MYRIP: variants seen among roughly 807,000 people sequenced by gnomAD.
MYRIP encodes rab effector MyRIP.
MYRIP carries 49 observed loss-of-function variants against 98.0 expected under a neutral mutation model. That is an observed-to-expected ratio of 0.50 (90% confidence interval 0.40 to 0.63). The LOEUF (loss-of-function observed/expected upper bound fraction) is 0.63, where lower values mean the gene tolerates loss of function less well. Ranked by LOEUF, MYRIP falls within the 30% of genes least tolerant of loss-of-function variation. The pLI, the probability that MYRIP is intolerant of heterozygous loss-of-function variation, is 0.00. For synonymous variants in MYRIP, 404 were observed against 409.5 expected (o/e 0.99, Z 0.16); for missense variants, 1,004 against 1,058.2 (o/e 0.95, Z 0.71).
At position 40,190,207 on chromosome 3, in the gene MYRIP, C is replaced by A. The variant is rs1439230663; in HGVS notation, c.1409C>A (p.Ala470Asp). The A allele has an allele frequency of 6.2e-7, 1 of 1,614,152 alleles. No homozygotes were observed. The highest frequency in any genetic ancestry group is 1.1e-5 in the South Asian group (1 of 91,080). ...AGSSREVGHQARLSWLQRKAP... is the reference protein window; with the variant it reads ...AGSSREVGHQDRLSWLQRKAP... ...TCTTCCCGAGAAGTTGGGCACCAGG[C>A]CAGACTGTCCTGGTTGCAGAGGAAG... The change falls in exon 10 of 17, where the codon GCC becomes GAC. Residue 470 changes from alanine to aspartate, a missense_variant. This residue lies in a region of MYRIP where 880 missense variants were observed against 907.7 expected (regional missense o/e 0.97). Coordinates refer to ENST00000302541, the MANE Select transcript of MYRIP (RefSeq NM_015460.4).
At chr3:39,997,576 C>T (rs78132300) in intron 2 of MYRIP, among the ~76,000 whole-genome samples, 25,561 of 151,562 alleles carry the variant, frequency 0.17, 2,427 homozygotes, top group African/African-American at 0.25. Context: ...CAGGACCAGA[C>T]GGATTCACAG....
chr3:40,059,911 T>C (rs1366851144), intron 3 of MYRIP, among the ~76,000 whole-genome samples: 1 of 152,134 alleles, frequency 6.6e-6, no homozygotes, highest in Non-Finnish European at 1.5e-5. Flanking sequence ...TGATGGGACT[T>C]TGTGAGGCAA....
intron 1 of MYRIP, among the ~76,000 whole-genome samples, chr3:39,834,578 G>A (rs1462171319): frequency 1.3e-5 from 2 of 152,060 alleles, no homozygotes; most frequent in Non-Finnish European, 2.9e-5. Flanking sequence ...GTTGCCATTT[G>A]TTTATTTTAC....
At chr3:39,976,715 A>T (rs1348475989) in intron 2 of MYRIP, among the ~76,000 whole-genome samples, 1 of 152,240 alleles carries the variant, frequency 6.6e-6, no homozygotes, top group Admixed American at 6.5e-5. Context: ...CTATGCAGCC[A>T]TAAAAAAGGA....
chr3:40,050,988 G>A (rs145930907), intron 3 of MYRIP, among the ~76,000 whole-genome samples: 4 of 152,252 alleles, frequency 2.6e-5, no homozygotes, highest in African/African-American at 9.6e-5. Flanking sequence ...AATGAGCAAA[G>A]AAAATGGTTT....
At chr3:40,075,516 G>A (rs1559389506) in intron 3 of MYRIP, among the ~76,000 whole-genome samples, 1 of 152,158 alleles carries the variant, frequency 6.6e-6, no homozygotes, top group Non-Finnish European at 1.5e-5. Context: ...GTAATATGAG[G>A]CAAGTTATTC....
intron 2 of MYRIP, among the ~76,000 whole-genome samples, chr3:39,997,027 C>A (rs954580059): frequency 1.3e-5 from 2 of 152,086 alleles, no homozygotes; most frequent in Non-Finnish European, 2.9e-5. Flanking sequence ...GGGACACATT[C>A]AAAGCAGTGT....
chr3:39,900,026 G>C (rs1379531383), intron 1 of MYRIP, among the ~76,000 whole-genome samples: 1 of 152,130 alleles, frequency 6.6e-6, no homozygotes, highest in Non-Finnish European at 1.5e-5. Flanking sequence ...TCACCATGTT[G>C]GCCAGGCTGG....
At chr3:39,821,412 A>C (rs1941099323) in intron 1 of MYRIP, among the ~76,000 whole-genome samples, 1 of 149,746 alleles carries the variant, frequency 6.7e-6, no homozygotes. Flanking sequence ...CAGACTTTCC[A>C]AAGAACCAAC....
At chr3:39,848,294 G>A (rs906086898) in intron 1 of MYRIP, among the ~76,000 whole-genome samples, 23 of 152,172 alleles carry the variant, frequency 1.5e-4, no homozygotes, top group Non-Finnish European at 2.6e-4. Context: ...TGATTGTACT[G>A]TATTTGCATA....
chr3:40,134,269 C>T (rs759601634), intron 3 of MYRIP, among the ~76,000 whole-genome samples: 26 of 152,292 alleles, frequency 1.7e-4, no homozygotes, highest in Non-Finnish European at 2.8e-4. Context: ...CCTACACCCA[C>T]GGAGCCTCGC....
At chr3:39,985,910 T>A (rs1247517368) in intron 2 of MYRIP, among the ~76,000 whole-genome samples, 1 of 151,570 alleles carries the variant, frequency 6.6e-6, no homozygotes, top group Non-Finnish European at 1.5e-5. Context: ...AAGGGTTTCA[T>A]GTCTAAAACA....
chr3:40,099,619 G>A (rs55678347), intron 3 of MYRIP, among the ~76,000 whole-genome samples: 22,502 of 152,106 alleles, frequency 0.15, 1,618 homozygotes, highest in East Asian at 0.2. Context: ...ACCACAGGGA[G>A]TGTACTGATT....
At chr3:40,226,663 A>C (rs1294379145) in intron 11 of MYRIP, among the ~76,000 whole-genome samples, 1 of 152,186 alleles carries the variant, frequency 6.6e-6, no homozygotes, top group African/African-American at 2.4e-5. Flanking sequence ...ACCTCTCTTA[A>C]GCCTCAGTTC....
intron 2 of MYRIP, among the ~76,000 whole-genome samples, chr3:40,025,494 ATAC>A (rs796224141): frequency 3.3e-5 from 5 of 152,252 alleles, no homozygotes; most frequent in African/African-American, 1.2e-4. Flanking sequence ...TAATATTGTT[ATAC>A]TCTAAGGTGG....
intron 2 of MYRIP, among the ~76,000 whole-genome samples, chr3:39,918,895 G>A (rs1944236900): frequency 6.6e-6 from 1 of 152,090 alleles, no homozygotes; most frequent in African/African-American, 2.4e-5. Context: ...GAGACTAGAT[G>A]GTAAATGTTT....
intron 3 of MYRIP, among the ~76,000 whole-genome samples, chr3:40,134,329 C>T (rs2125921152): frequency 6.6e-6 from 1 of 152,322 alleles, no homozygotes; most frequent in Admixed American, 6.5e-5. Flanking sequence ...GGCAGCGAGG[C>T]TGCGGGAGGG....
At chr3:39,973,011 G>T (rs1945634851) in intron 2 of MYRIP, among the ~76,000 whole-genome samples, 1 of 151,918 alleles carries the variant, frequency 6.6e-6, no homozygotes, top group South Asian at 2.1e-4. Context: ...ATGTATATAT[G>T]TGTGTTCATA....
chr3:40,028,965 G>A (rs1389225171), intron 2 of MYRIP, among the ~76,000 whole-genome samples: 1 of 152,098 alleles, frequency 6.6e-6, no homozygotes, highest in Non-Finnish European at 1.5e-5. Context: ...ATACCAGTGA[G>A]CTTTAAAATG....
Sources: gnomAD v4.1 joint callset for allele counts (sites outside exome capture counted in the v4.1 genomes callset) on GRCh38, gnomAD v4.1.1 for gene constraint, gnomAD v4.1.1 regional missense constraint, MANE v1.5 for transcripts, NCBI Gene and HGNC (gene_info 2026-07-23, HGNC 2026-07-21) for gene names.